The following MCTP1 variants were observed in gnomAD, a reference collection of about 807,000 sequenced individuals.
The protein encoded by MCTP1 is multiple C2 and transmembrane domain containing 1.
MCTP1 carries 69 observed loss-of-function variants against 120.6 expected under a neutral mutation model. The observed-to-expected ratio is 0.57, with a 90% CI of 0.47 to 0.70. The LOEUF (loss-of-function observed/expected upper bound fraction) is 0.70, where lower values mean the gene tolerates loss of function less well. Among genes scored for constraint, MCTP1 ranks in the 30% least tolerant of loss-of-function variants. MCTP1 has a pLI of 0.00. For missense variants in MCTP1, 1,203 were observed against 1,248.8 expected, an observed-to-expected ratio of 0.96 and a Z score of 0.55; for synonymous variants, 529 against 493.1, an observed-to-expected ratio of 1.07 and a Z score of -0.96.
At chr5:94,717,764 T>C (rs1759849609) in intron 19 of MCTP1, among the ~76,000 whole-genome samples, 1 of 152,042 alleles carries the variant, frequency 6.6e-6, no homozygotes, top group Non-Finnish European at 1.5e-5. Context: ...TGAACTCTCA[T>C]TCACAATTGC....
intron 1 of MCTP1, among the ~76,000 whole-genome samples, chr5:95,172,829 T>C (rs113584112): frequency 1.3e-5 from 2 of 152,160 alleles, no homozygotes; most frequent in Non-Finnish European, 2.9e-5. Context: ...AGTGTTACCA[T>C]AGGTCAAATC....
intron 1 of MCTP1, among the ~76,000 whole-genome samples, chr5:95,143,537 T>C (rs1760116144): frequency 6.6e-6 from 1 of 152,082 alleles, no homozygotes; most frequent in African/African-American, 2.4e-5. Flanking sequence ...TAGGCAGTTT[T>C]TCAGCCCATC....
chr5:95,273,048 C>G (rs549111902), intron 1 of MCTP1, among the ~76,000 whole-genome samples: 10 of 152,216 alleles, frequency 6.6e-5, no homozygotes, highest in Non-Finnish European at 1.5e-4. Flanking sequence ...CTAGAGACAG[C>G]GTGGTCCCTG....
intron 2 of MCTP1, 50 bp downstream of exon 2, chr5:95,017,317 T>C (rs762910334): frequency 3.5e-6 from 4 of 1,141,190 alleles, no homozygotes; most frequent in South Asian, 3.0e-5. Flanking sequence ...ACAAAGTTTG[T>C]CATAAACACA....
intron 10 of MCTP1, among the ~76,000 whole-genome samples, chr5:94,902,200 T>C (rs1380910650): frequency 6.6e-6 from 1 of 152,024 alleles, no homozygotes; most frequent in Non-Finnish European, 1.5e-5. Context: ...TAACACTAAT[T>C]GAACAAGCAC....
At chr5:95,141,735 C>T (rs953037413) in intron 1 of MCTP1, among the ~76,000 whole-genome samples, 11 of 151,968 alleles carry the variant, frequency 7.2e-5, no homozygotes, top group Non-Finnish European at 2.9e-5. Context: ...TTCTATCCTA[C>T]TTTTCTTTCT....
intron 17 of MCTP1, among the ~76,000 whole-genome samples, chr5:94,817,234 C>G (rs1784641336): frequency 6.6e-6 from 1 of 152,092 alleles, no homozygotes; most frequent in Non-Finnish European, 1.5e-5. Context: ...GAAACCTCGT[C>G]TCTACTAAAA....
chr5:94,965,654 A>G (rs1825415922), intron 2 of MCTP1, among the ~76,000 whole-genome samples: 1 of 152,192 alleles, frequency 6.6e-6, no homozygotes, highest in Admixed American at 6.5e-5. Context: ...ATCTGTGTAC[A>G]GAGTACTATC....
intron 1 of MCTP1, among the ~76,000 whole-genome samples, chr5:95,136,850 A>G (rs1013616557): frequency 6.6e-6 from 1 of 152,186 alleles, no homozygotes; most frequent in African/African-American, 2.4e-5. Context: ...CCTGCCTCAC[A>G]TTGATCTGCC....
intron 1 of MCTP1, among the ~76,000 whole-genome samples, chr5:95,107,233 G>A (rs1757146125): frequency 6.6e-6 from 1 of 152,214 alleles, no homozygotes; most frequent in South Asian, 2.1e-4. Flanking sequence ...GAAAATATAT[G>A]AGGAAACAGA....
intron 11 of MCTP1, among the ~76,000 whole-genome samples, chr5:94,894,386 C>A (rs1304074285): frequency 6.6e-6 from 1 of 152,192 alleles, no homozygotes; most frequent in East Asian, 1.9e-4. Context: ...AGCATCCCTG[C>A]ATGATAAAAT....
chr5:94,752,338 T>G (rs1478648486), intron 19 of MCTP1, among the ~76,000 whole-genome samples: 1 of 151,622 alleles, frequency 6.6e-6, no homozygotes, highest in Non-Finnish European at 1.5e-5. Flanking sequence ...GTTCAACCCT[T>G]TCAGTATTAC....
Position 94,947,555 on chromosome 5 carries a change from A to AATATATATATATATATATATATATAT in MCTP1, c.982-5129_982-5128insATATATATATATATATATATATATAT, listed in dbSNP as rs377155852. Among the ~76,000 whole-genome samples, 65 of 39,404 alleles carry AATATATATATATATATATATATATAT rather than the reference A, an allele frequency of 1.6e-3. 5 individuals are homozygous for AATATATATATATATATATATATATAT. The highest frequency in any genetic ancestry group is 1.7e-3 in the Non-Finnish European group (36 of 20,678). 25.9% of individuals were successfully genotyped at this position (39,404 alleles called of 152,430 possible). A position where few individuals can be genotyped will look rare whatever the true frequency, so the allele number is the denominator to read the frequency against. Reference sequence around the variant, plus strand: ...AAAATATTTTAGTGTTAGTTTACTAAATATATATATATATATATATATAGA... The same window carrying AATATATATATATATATATATATATAT: ...AAAATATTTTAGTGTTAGTTTACTAAATATATATATATATATATATATATATATATATATATATATATATATATAGA... On this transcript the variant is annotated intron_variant, in intron 3 of 22. Coordinates refer to ENST00000515393, the MANE Select transcript of MCTP1 (RefSeq NM_024717.7).
chr5:94,805,477 A>T (rs554703679), intron 17 of MCTP1, among the ~76,000 whole-genome samples: 202 of 152,218 alleles, frequency 1.3e-3, no homozygotes, highest in African/African-American at 4.7e-3. Flanking sequence ...AAACAAAAAA[A>T]TGTAGCTGGG....
intron 1 of MCTP1, among the ~76,000 whole-genome samples, chr5:95,131,704 A>C (rs1759059883): frequency 6.6e-6 from 1 of 152,184 alleles, no homozygotes; most frequent in Non-Finnish European, 1.5e-5. Flanking sequence ...AAATTCCTCT[A>C]GGACAGGGAT....
chr5:94,968,890 G>A (rs996507540), intron 2 of MCTP1, among the ~76,000 whole-genome samples: 8 of 152,134 alleles, frequency 5.3e-5, no homozygotes, highest in African/African-American at 1.4e-4. Flanking sequence ...CAAAAAGTAC[G>A]AAAGATGAAT....
intron 12 of MCTP1, among the ~76,000 whole-genome samples, chr5:94,886,200 C>G (rs1801293313): frequency 6.6e-6 from 1 of 152,156 alleles, no homozygotes; most frequent in Admixed American, 6.5e-5. Context: ...TTTATACTCA[C>G]TCATTCAAAG....
chr5:94,909,981 T>A (rs1484417290), intron 9 of MCTP1, among the ~76,000 whole-genome samples: 1 of 152,034 alleles, frequency 6.6e-6, no homozygotes, highest in Non-Finnish European at 1.5e-5. Flanking sequence ...ACCTAGAGTT[T>A]AAGTGACACA....
At chr5:94,925,993 G>GT (rs1812997325) in intron 6 of MCTP1, among the ~76,000 whole-genome samples, 1 of 151,886 alleles carries the variant, frequency 6.6e-6, no homozygotes, top group Non-Finnish European at 1.5e-5. Context: ...AGATTTTAGA[G>GT]TAAAAAATCT....
Sources: allele counts gnomAD v4.1 joint callset (sites outside exome capture counted in the v4.1 genomes callset), GRCh38; gene constraint gnomAD v4.1.1; transcripts MANE v1.5; gene names NCBI Gene and HGNC (gene_info 2026-07-23, HGNC 2026-07-21).